Variants in ABCA13 observed in about 807,000 individuals in gnomAD.
ABCA13 encodes ATP-binding cassette sub-family A member 13.
A neutral mutation model predicts 478.7 loss-of-function variants in ABCA13; 476 were observed. The ratio of observed to expected loss-of-function variants is 0.99; its 90% CI spans 0.92 to 1.07. The LOEUF is 1.07. Ranked by LOEUF, ABCA13 falls within the 50% of genes least tolerant of loss-of-function variation. ABCA13 has a pLI of 0.00. For synonymous variants in ABCA13, 2,252 were observed against 2,158.9 expected, an observed-to-expected ratio of 1.04 and a Z score of -1.20; for missense variants, 6,060 against 5,910.6, an observed-to-expected ratio of 1.03 and a Z score of -0.83.
rs777244143 is a variant in ABCA13, at chr7:48,415,955, C to G, written c.12459+3372C>G. ...CTTCCTGCCTTCCTTCCCTACCTCT[C>G]TCTTTTTGCCTCCCTTCCTCCTTCC... On this transcript the variant is annotated intron_variant, in intron 41 of 61. Transcript: ENST00000435803. Among the ~76,000 whole-genome samples the G allele has an allele frequency of 4.2e-4, 64 of 151,968 alleles. 1 individual carries two copies. The highest frequency in any genetic ancestry group is 7.8e-4 in the Non-Finnish European group (53 of 68,014).
At chr7:48,438,849 A>G (rs922685554) in intron 42 of ABCA13, among the ~76,000 whole-genome samples, 1 of 150,698 alleles carries the variant, frequency 6.6e-6, no homozygotes, top group African/African-American at 2.4e-5. Context: ...TGTTTTCCAC[A>G]TAACCACATA....
At chr7:48,510,944 AT>A in intron 50 of ABCA13, 139 bp from the exon 51 acceptor site, 1 of 685,110 alleles carries the variant, frequency 1.5e-6, no homozygotes, top group Non-Finnish European at 2.5e-6. Context: ...TCCAGGACTA[AT>A]TCCACGGCTA....
chr7:48,367,776 T>A lies in ABCA13; in HGVS notation c.10689-18T>A, dbSNP rs1376118410. On this transcript the variant is annotated intron_variant, in intron 31 of 61. Coordinates refer to ENST00000435803, the MANE Select transcript of ABCA13 (RefSeq NM_152701.5). ...ATTTTGCTTGTCTCCGGATGCTGAC[T>A]GAATTATCCCCTTACAGATTCCTGA... The A allele has an allele frequency of 6.5e-7, 1 of 1,539,188 alleles. No homozygotes were observed. The highest frequency in any genetic ancestry group is 8.8e-7 in the Non-Finnish European group (1 of 1,134,082).
chr7:48,242,434 C>G (rs971749314), intron 10 of ABCA13, among the ~76,000 whole-genome samples: 6 of 151,330 alleles, frequency 4.0e-5, no homozygotes, highest in African/African-American at 1.5e-4. Flanking sequence ...GTTTTTTTTT[C>G]TTTGTTTTGT....
At chr7:48,332,369 A>G (rs1805543792) in intron 27 of ABCA13, among the ~76,000 whole-genome samples, 1 of 152,240 alleles carries the variant, frequency 6.6e-6, no homozygotes, top group South Asian at 2.1e-4. Context: ...CAATACAGAC[A>G]TACACACGTG....
intron 41 of ABCA13, among the ~76,000 whole-genome samples, chr7:48,424,238 A>G (rs1821126420): frequency 6.6e-6 from 1 of 152,218 alleles, no homozygotes; most frequent in African/African-American, 2.4e-5. Flanking sequence ...TATACTCTTA[A>G]TAAGAATATT....
intron 27 of ABCA13, among the ~76,000 whole-genome samples, chr7:48,321,763 G>T (rs1803505583): frequency 6.6e-6 from 1 of 152,176 alleles, no homozygotes; most frequent in African/African-American, 2.4e-5. Flanking sequence ...CAGAAAGCAG[G>T]AGCCGAGGTG....
intron 39 of ABCA13, among the ~76,000 whole-genome samples, chr7:48,410,271 G>A (rs749788991): frequency 1.5e-4 from 23 of 151,982 alleles, no homozygotes; most frequent in Non-Finnish European, 2.2e-4. Context: ...TTCACTCTCC[G>A]TGCCTGGCAG....
chr7:48,403,831 C>T lies in ABCA13; in HGVS notation c.12022C>T (p.Pro4008Ser). Residue 4008 changes from proline to serine, a missense_variant, in exon 39 of 62, where the codon CCT becomes TCT. Around this residue, in one of 3 missense-constraint regions of ABCA13, gnomAD observed 1,627 missense variants for 1,571.0 expected, o/e 1.04. Coordinates refer to ENST00000435803, the MANE Select transcript of ABCA13 (RefSeq NM_152701.5). The stretch of plus-strand genomic sequence containing the variant: ...GGATGAGCCCACCAGTGGGGTGGAC[C>T]CTTGCTCCCGGCATAGCCTGTGGGA... ...VLDEPTSGVD[P>S]CSRHSLWDIL... 1 of 1,613,682 alleles carries T rather than the reference C, an allele frequency of 6.2e-7. No homozygotes were observed. Among genetic ancestry groups the T allele is most frequent in the African/African-American group, 1.3e-5 (1 of 74,988 alleles).
At chr7:48,623,479 A>G (rs1586018290) in intron 59 of ABCA13, among the ~76,000 whole-genome samples, 2 of 152,278 alleles carry the variant, frequency 1.3e-5, no homozygotes, top group Middle Eastern at 6.8e-3. Flanking sequence ...TTCACAGTCA[A>G]GAGCAGTTAA....
chr7:48,321,519 C>A (rs898254050), intron 27 of ABCA13, among the ~76,000 whole-genome samples: 1 of 152,152 alleles, frequency 6.6e-6, no homozygotes, highest in Non-Finnish European at 1.5e-5. Flanking sequence ...CTGTGTAGGC[C>A]GGCCCTGAGC....
At chr7:48,198,099 C>CT in intron 2 of ABCA13, 138 bp from the exon 3 acceptor site, 1 of 864,974 alleles carries the variant, frequency 1.2e-6, no homozygotes, top group South Asian at 2.7e-5. Context: ...TTTGTCTGAG[C>CT]CCTTAGATCT....
chr7:48,330,030 TATCCATCCATCCATCC>T (rs59122878), intron 27 of ABCA13, among the ~76,000 whole-genome samples: 46 of 139,756 alleles, frequency 3.3e-4, no homozygotes, highest in South Asian at 1.2e-3. Context: ...TTGATCTATT[TATCCATCCATCCATCC>T]ATCCATCCAT....
Position 48,372,568 on chromosome 7 carries a change from C to T in ABCA13, c.11133+71C>T, listed in dbSNP as rs973069369. On this transcript the variant is annotated intron_variant, in intron 33 of 61. Coordinates refer to ENST00000435803, the MANE Select transcript of ABCA13 (RefSeq NM_152701.5). ...TGCAATCTATCTAACAAGACAAAAT[C>T]CCACCACTCTCACTTTTTCAATTTG... 9.8e-6 allele frequency: 12 copies of T among 1,225,644 alleles called. No homozygotes were observed. In the African/African-American group the frequency reaches 1.8e-4, roughly 19 times the overall value. The allele number at this position is 1,225,644 out of a possible 1,614,324, so 75.9% of individuals were successfully genotyped here.
At chr7:48,604,332 A>G (rs1016594545) in intron 58 of ABCA13, among the ~76,000 whole-genome samples, 2 of 152,078 alleles carry the variant, frequency 1.3e-5, no homozygotes, top group Admixed American at 6.6e-5. Flanking sequence ...TAGGGTGTCA[A>G]TTTTAGATCT....
chr7:48,275,156 T>C lies in ABCA13; in HGVS notation c.5490T>C (p.Ser1830=). The part of the protein sequence containing the change: ...PVVWCWNHTN[S]GFRQNSKIDP... Reference sequence around the variant, plus strand: ...TTTGGTGCTGGAATCACACAAATTCTGGATTTCGGCAGAATTCAAAGATAG... The same window carrying C: ...TTTGGTGCTGGAATCACACAAATTCCGGATTTCGGCAGAATTCAAAGATAG... Residue 1830 remains serine, a synonymous_variant, in exon 17 of 62, where the codon TCT becomes TCC. Transcript: ENST00000435803. The C allele has an allele frequency of 3.1e-6, 5 of 1,613,968 alleles. No homozygotes were observed. Among genetic ancestry groups the C allele is most frequent in the Non-Finnish European group, 3.4e-6 (4 of 1,179,872 alleles).
intron 58 of ABCA13, among the ~76,000 whole-genome samples, chr7:48,609,591 A>C (rs769192108): frequency 1.9e-4 from 29 of 152,190 alleles, no homozygotes; most frequent in Non-Finnish European, 2.8e-4. Context: ...AGGGAGTTGA[A>C]ATCAGTATAA....
chr7:48,368,691 A>G lies in ABCA13; in HGVS notation c.10803+783A>G, dbSNP rs766970494. Among the ~76,000 whole-genome samples, 198 of 108,952 alleles carry G rather than the reference A, an allele frequency of 1.8e-3. 2 individuals are homozygous for G. The South Asian group carries it at 0.028, about 15-fold the overall frequency. The allele number at this position is 108,952 out of a possible 152,430, so 71.5% of individuals were successfully genotyped here. On this transcript the variant is annotated intron_variant, in intron 32 of 61. Transcript: ENST00000435803. ...ATGGTGTGTGTGTGTGTATGTGTAT[A>G]TATATATATATATATATATATATAC...
intron 59 of ABCA13, among the ~76,000 whole-genome samples, chr7:48,639,130 T>C (rs1297242245): frequency 6.6e-6 from 1 of 152,204 alleles, no homozygotes; most frequent in Non-Finnish European, 1.5e-5. Flanking sequence ...CTCAGTCTTC[T>C]CTTTTGGTTT....
Sources: gnomAD v4.1 joint callset for allele counts (sites outside exome capture counted in the v4.1 genomes callset) on GRCh38, gnomAD v4.1.1 for gene constraint, gnomAD v4.1.1 regional missense constraint, MANE v1.5 for transcripts, NCBI Gene and HGNC (gene_info 2026-07-23, HGNC 2026-07-21) for gene names.